Variants in VPS4B observed in about 807,000 individuals in gnomAD.
The protein encoded by VPS4B is vacuolar protein sorting-associated protein 4B.
VPS4B carries 23 observed loss-of-function variants against 56.1 expected under a neutral mutation model. That is an observed-to-expected ratio of 0.41 (90% CI 0.30 to 0.58). VPS4B has a LOEUF of 0.58. VPS4B is among the 20% of genes least tolerant of loss of function. The pLI is 0.29. For missense variants in VPS4B, 372 were observed against 531.9 expected, an observed-to-expected ratio of 0.70 and a Z score of 2.96; for synonymous variants, 177 against 186.0, an observed-to-expected ratio of 0.95 and a Z score of 0.39.
intron 5 of VPS4B, among the ~76,000 whole-genome samples, chr18:63,401,582 A>G (rs1915810442): frequency 6.6e-6 from 1 of 152,202 alleles, no homozygotes; most frequent in Non-Finnish European, 1.5e-5. Context: ...GTTTTGCCAA[A>G]ATATAACCAG....
Position 63,422,354 on chromosome 18 carries a change from G to A in VPS4B, c.-95C>T. 1 of 1,248,438 alleles carries A rather than the reference G, an allele frequency of 8.0e-7. No individual in the cohort carries two copies. Among genetic ancestry groups the A allele is most frequent in the Non-Finnish European group, 1.1e-6 (1 of 948,020 alleles). 77.3% of individuals were successfully genotyped at this position (1,248,438 alleles called of 1,614,324 possible). Reference sequence around the variant, plus strand: ...CGCACGGGGTAACAGCCCTCAAACTGGGGAGGCCGGTGGTTCTCGGACCGC... The same window carrying A: ...CGCACGGGGTAACAGCCCTCAAACTAGGGAGGCCGGTGGTTCTCGGACCGC... On this transcript the variant is annotated 5_prime_UTR_variant, in exon 1 of 11. Coordinates refer to ENST00000238497, the MANE Select transcript of VPS4B (RefSeq NM_004869.4).
chr18:63,397,834 G>GT (rs1159776650), intron 8 of VPS4B, among the ~76,000 whole-genome samples: 3 of 152,166 alleles, frequency 2.0e-5, no homozygotes, highest in African/African-American at 4.8e-5. Context: ...TGAGCAGACT[G>GT]TTTTTTCTCC....
At chr18:63,398,375 T>C (rs1364892683) in intron 8 of VPS4B, among the ~76,000 whole-genome samples, 2 of 151,744 alleles carry the variant, frequency 1.3e-5, no homozygotes, top group East Asian at 1.9e-4. Flanking sequence ...TGCGCCACCA[T>C]GGCCAGGTAA....
chr18:63,400,296 A>T, intron 6 of VPS4B, 100 bp from the exon 7 acceptor site: 1 of 1,301,112 alleles, frequency 7.7e-7, no homozygotes, highest in East Asian at 2.6e-5. Context: ...TAAAAAGCCT[A>T]ATCATGTTTC....
chr18:63,415,492 G>T, intron 1 of VPS4B: 1 of 301,920 alleles, frequency 3.3e-6, no homozygotes, highest in South Asian at 3.7e-5. Flanking sequence ...CATAAGCTTG[G>T]CAATTTTTCT....
intron 1 of VPS4B, among the ~76,000 whole-genome samples, chr18:63,413,027 C>A (rs545921187): frequency 6.6e-6 from 1 of 152,176 alleles, no homozygotes; most frequent in Non-Finnish European, 1.5e-5. Flanking sequence ...ACATATCTAA[C>A]AAAGAACTAG....
intron 5 of VPS4B, among the ~76,000 whole-genome samples, chr18:63,402,283 TATAAAGGC>T (rs1915829057): frequency 6.6e-6 from 1 of 152,096 alleles, no homozygotes; most frequent in South Asian, 2.1e-4. Context: ...TTTTTCCACT[TATAAAGGC>T]ACAAAGCAGT....
intron 5 of VPS4B, among the ~76,000 whole-genome samples, chr18:63,402,696 A>G (rs985639035): frequency 1.1e-4 from 16 of 152,268 alleles, no homozygotes; most frequent in African/African-American, 3.9e-4. Flanking sequence ...AATATACCAT[A>G]AAATGAGTTC....
intron 8 of VPS4B, among the ~76,000 whole-genome samples, chr18:63,398,300 C>T (rs561502016): frequency 6.5e-4 from 98 of 151,756 alleles, no homozygotes; most frequent in Non-Finnish European, 1.1e-3. Flanking sequence ...CTGCAACCTC[C>T]GCCTCCTGGG....
intron 1 of VPS4B, among the ~76,000 whole-genome samples, chr18:63,421,819 G>T (rs1277349146): frequency 6.6e-6 from 1 of 152,188 alleles, no homozygotes; most frequent in Non-Finnish European, 1.5e-5. Flanking sequence ...CTACTCACCT[G>T]ACAGCTCAGA....
At position 63,390,899 on chromosome 18, in the gene VPS4B, A is replaced by G; in HGVS notation, c.*76T>C. On this transcript the variant is annotated 3_prime_UTR_variant, in exon 11 of 11. Coordinates refer to ENST00000238497, the MANE Select transcript of VPS4B (RefSeq NM_004869.4). ...TGGTAAAAGAGTTTTACTGGAAACA[A>G]TTAATGCGATCCAAATAGACAAAAA... 2 of 1,025,106 alleles carry G rather than the reference A, an allele frequency of 2.0e-6. No homozygotes were observed. Among genetic ancestry groups the G allele is most frequent in the South Asian group, 1.4e-5 (1 of 71,986 alleles). The allele number at this position is 1,025,106 out of a possible 1,614,324, so 63.5% of individuals were successfully genotyped here. A position where few individuals can be genotyped will look rare whatever the true frequency, so the allele number is the denominator to read the frequency against.
chr18:63,394,529 C>T (rs1289964098), intron 9 of VPS4B, among the ~76,000 whole-genome samples: 1 of 150,540 alleles, frequency 6.6e-6, no homozygotes, highest in African/African-American at 2.5e-5. Context: ...GGCAGTGGTG[C>T]GATGTCAGCT....
rs1915859481 is a variant in VPS4B at position 63,403,723 on chromosome 18, A to C, written c.468T>G (p.Phe156Leu). ...TTATGTCACCTGTAAAAAGATGAGG[A>C]AATTTAATAGGCAGTATCACAGCCT... The part of the protein sequence containing the change: ...LKEAVILPIK[F>L]PHLFTGKRTP... Residue 156 changes from phenylalanine to leucine, a missense_variant, in exon 5 of 11, where the codon TTT (phenylalanine) becomes TTG (leucine). Physicochemically the swap from Phe to Leu is conservative, Grantham distance 22. Transcript: ENST00000238497. 6.2e-7 allele frequency: 1 copy of C among 1,608,268 alleles called. No homozygotes were observed. The highest frequency in any genetic ancestry group is 8.5e-7 in the Non-Finnish European group (1 of 1,177,660).
intron 4 of VPS4B, among the ~76,000 whole-genome samples, chr18:63,405,940 T>C (rs1275514750): frequency 6.6e-6 from 1 of 151,974 alleles, no homozygotes; most frequent in Non-Finnish European, 1.5e-5. Flanking sequence ...AAGCCGTGAT[T>C]GCGCCACTGC....
At chr18:63,421,183 G>A (rs1193774133) in intron 1 of VPS4B, among the ~76,000 whole-genome samples, 1 of 151,980 alleles carries the variant, frequency 6.6e-6, no homozygotes, top group East Asian at 1.9e-4. Flanking sequence ...AATCTTCTAG[G>A]TCGATTTTCA....
In VPS4B at chr18:63,400,079, T is replaced by G. The variant is rs1915777013; in HGVS notation, c.759A>C (p.Arg253Ser). Reference protein sequence around the residue: ...RSENESEAARRIKTEFLVQMQ... With the variant: ...RSENESEAARSIKTEFLVQMQ... ...TTTGCACTAGGAACTCCGTCTTAATTCTACGTGCGGCTTCACTTTCATTTT... is the reference window on the plus strand; with the variant it reads ...TTTGCACTAGGAACTCCGTCTTAATGCTACGTGCGGCTTCACTTTCATTTT... Residue 253 changes from arginine to serine, a missense_variant, in exon 7 of 11, where the codon AGA becomes AGC. Physicochemically the swap from Arg to Ser is moderately radical, Grantham distance 110. Transcript: ENST00000238497. 3 of 1,611,114 alleles carry G rather than the reference T, an allele frequency of 1.9e-6. No individual in the cohort carries two copies. Among genetic ancestry groups the G allele is most frequent in the Middle Eastern group, 3.3e-4 (2 of 6,034 alleles).
chr18:63,394,632 A>C (rs1286156878), intron 9 of VPS4B, among the ~76,000 whole-genome samples: 2 of 152,062 alleles, frequency 1.3e-5, no homozygotes, highest in Non-Finnish European at 2.9e-5. Flanking sequence ...ACGCCGAGCT[A>C]ATTTTTGTAT....
In VPS4B at chr18:63,421,963, C is replaced by T. The variant is rs543943636; in HGVS notation, c.27+270G>A. On this transcript the variant is annotated intron_variant, in intron 1 of 10. Transcript: ENST00000238497. ...TTAACCCTGATTGGAGAAACCTGCC[C>T]AGATCTTGGCTGGTTTGGAAGCGGG... Among the ~76,000 whole-genome samples the T allele has an allele frequency of 1.1e-4, 16 of 152,336 alleles. No individual in the cohort carries two copies. The East Asian group carries it at 3.1e-3, about 29-fold the overall frequency.
chr18:63,398,537 TAAAA>T (rs879809693), intron 8 of VPS4B, among the ~76,000 whole-genome samples: 2 of 139,052 alleles, frequency 1.4e-5, no homozygotes. Flanking sequence ...TAGTTTTTAC[TAAAA>T]AAAAAAAAAA....
Sources: allele counts gnomAD v4.1 joint callset (sites outside exome capture counted in the v4.1 genomes callset), GRCh38; gene constraint gnomAD v4.1.1; transcripts MANE v1.5; gene names NCBI Gene and HGNC (gene_info 2026-07-23, HGNC 2026-07-21).